The following TDRD9 variants were observed in gnomAD, a reference collection of about 807,000 sequenced individuals.
TDRD9 encodes ATP-dependent RNA helicase TDRD9.
A neutral mutation model predicts 172.6 loss-of-function variants in TDRD9; 124 were observed. The observed-to-expected ratio is 0.72, with a 90% CI of 0.62 to 0.83. The LOEUF (loss-of-function observed/expected upper bound fraction) is 0.83. Ranked by LOEUF, TDRD9 falls within the 40% of genes least tolerant of loss-of-function variation. The pLI, the probability that TDRD9 is intolerant of heterozygous loss-of-function variation, is 0.00. For missense variants in TDRD9, 1,479 were observed against 1,714.1 expected, an observed-to-expected ratio of 0.86 and a Z score of 2.42; for synonymous variants, 619 against 617.1, an observed-to-expected ratio of 1.00 and a Z score of -0.05.
At chr14:103,933,132 G>C (rs907856796) in intron 1 of TDRD9, among the ~76,000 whole-genome samples, 1 of 152,178 alleles carries the variant, frequency 6.6e-6, no homozygotes, top group African/African-American at 2.4e-5. Context: ...ACATGGTACT[G>C]TATTTTACTC....
intron 11 of TDRD9, 24 bp downstream of exon 11, chr14:103,994,627 T>C: frequency 6.3e-7 from 1 of 1,590,908 alleles, no homozygotes; most frequent in Non-Finnish European, 8.6e-7. Context: ...GAAGACAAGT[T>C]CTAAGCACTT....
intron 5 of TDRD9, among the ~76,000 whole-genome samples, chr14:103,968,787 C>T (rs1382364781): frequency 1.1e-3 from 1 of 902 alleles, no homozygotes; most frequent in Non-Finnish European, 0.011. Flanking sequence ...CAGAGTGAGA[C>T]TCTGTCTCAA....
Position 103,928,569 on chromosome 14 carries a change from G to A in TDRD9, c.60G>A (p.Val20=), listed in dbSNP as rs1228770527. 22 of 1,381,752 alleles carry A rather than the reference G, an allele frequency of 1.6e-5. No homozygotes were observed. The East Asian group carries it at 1.9e-4, about 12-fold the overall frequency. 85.6% of individuals were successfully genotyped at this position (1,381,752 alleles called of 1,614,324 possible). Residue 20 remains valine (V), a synonymous_variant, in exon 1 of 36, where the codon GTG becomes GTA. Transcript: ENST00000409874. ...INDWFTIGKT[V]TNVELLGAPP... is the part of the protein sequence containing the mutation. The stretch of plus-strand genomic sequence containing the variant: ...ACTGGTTCACCATCGGCAAGACGGT[G>A]ACCAATGTGGAGCTGCTGGGCGCGC...
In TDRD9 at chr14:104,026,085, T is replaced by G. The variant is rs1379067928; in HGVS notation, c.2970T>G (p.Asp990Glu). 3.7e-6 allele frequency: 6 copies of G among 1,611,770 alleles called. No individual in the cohort carries two copies. The highest frequency in any genetic ancestry group is 1.3e-5 in the African/African-American group (1 of 74,900). Residue 990 changes from aspartate (D) to glutamate (E), a missense_variant, in exon 27 of 36, where the codon GAT becomes GAG. Asp to Glu is a conservative substitution (Grantham distance 45). Around this residue, in one of 3 missense-constraint regions of TDRD9, gnomAD observed 1,413 missense variants for 1,649.1 expected, o/e 0.86. Coordinates refer to ENST00000409874, the MANE Select transcript of TDRD9 (RefSeq NM_153046.3). ...FVDYGNKSHV[D>E]LHLLMEIPCQ... ...ATTATGGCAATAAGTCTCATGTAGA[T>G]CTACATCTTTTGATGGAGATTCCCT... is the stretch of plus-strand genomic sequence containing the variant.
intron 9 of TDRD9, among the ~76,000 whole-genome samples, chr14:103,994,028 T>C (rs1237811464): frequency 1.3e-5 from 2 of 152,218 alleles, no homozygotes; most frequent in Admixed American, 1.3e-4. Flanking sequence ...ATAGAAAATT[T>C]AGAAAATCTG....
At chr14:103,946,660 C>T (rs965434314) in intron 1 of TDRD9, among the ~76,000 whole-genome samples, 4 of 152,156 alleles carry the variant, frequency 2.6e-5, no homozygotes, top group African/African-American at 9.7e-5. Context: ...CCTAAAGATT[C>T]CACAAAAACC....
At chr14:103,949,813 G>A (rs2031764624) in intron 1 of TDRD9, among the ~76,000 whole-genome samples, 1 of 151,960 alleles carries the variant, frequency 6.6e-6, no homozygotes, top group Non-Finnish European at 1.5e-5. Flanking sequence ...CCGAGTAGCT[G>A]GGATTACAGG....
At chr14:104,033,912 C>A (rs1350255300) in intron 30 of TDRD9, 48 bp from the exon 31 acceptor site, 1 of 1,244,070 alleles carries the variant, frequency 8.0e-7, no homozygotes. Context: ...AGCACATTGC[C>A]TGGTTAGTGG....
intron 34 of TDRD9, chr14:104,049,398 GAT>G: frequency 2.6e-6 from 1 of 384,282 alleles, no homozygotes; most frequent in Non-Finnish European, 4.6e-6. Context: ...AGGTCTTACA[GAT>G]CTGTCACACT....
At chr14:104,040,148 C>CT in intron 32 of TDRD9, 48 bp from the exon 33 acceptor site, 1 of 1,370,122 alleles carries the variant, frequency 7.3e-7, no homozygotes, top group Non-Finnish European at 9.5e-7. Context: ...AAAACATATA[C>CT]TTTAACAATT....
intron 19 of TDRD9, 130 bp from the exon 20 acceptor site, chr14:104,008,283 C>CT (rs1468514099): frequency 1.7e-6 from 1 of 605,408 alleles, no homozygotes; most frequent in Non-Finnish European, 3.0e-6. Context: ...GGGAGTGCCA[C>CT]TGTCAACTTG....
At chr14:104,049,520 A>C in intron 34 of TDRD9, 88 bp from the exon 35 acceptor site, 1 of 1,020,632 alleles carries the variant, frequency 9.8e-7, no homozygotes, top group Non-Finnish European at 1.4e-6. Flanking sequence ...TGTGGGAAGC[A>C]TATAGGATTT....
At chr14:103,941,066 A>G (rs1193827812) in intron 1 of TDRD9, 2 of 1,535,050 alleles carry the variant, frequency 1.3e-6, no homozygotes, top group Admixed American at 2.0e-5. Flanking sequence ...ACTATTTCCC[A>G]TGGCAGTACA....
intron 1 of TDRD9, among the ~76,000 whole-genome samples, chr14:103,935,836 T>A (rs1342469319): frequency 4.6e-5 from 7 of 152,254 alleles, no homozygotes; most frequent in African/African-American, 1.7e-4. Flanking sequence ...GGGAATGATT[T>A]TGTATATTAT....
intron 3 of TDRD9, among the ~76,000 whole-genome samples, chr14:103,964,872 C>T (rs1399240240): frequency 2.6e-5 from 4 of 152,172 alleles, no homozygotes; most frequent in Middle Eastern, 3.4e-3. Flanking sequence ...GTGTGGCAAC[C>T]GTTTGTCGCC....
At chr14:104,036,267 G>A (rs753770272) in intron 32 of TDRD9, among the ~76,000 whole-genome samples, 10 of 152,094 alleles carry the variant, frequency 6.6e-5, no homozygotes, top group Middle Eastern at 3.4e-3. Flanking sequence ...CAAAAATACC[G>A]CCCTGTTTTA....
chr14:103,953,209 C>T (rs113747521), intron 1 of TDRD9, among the ~76,000 whole-genome samples: 47 of 152,266 alleles, frequency 3.1e-4, no homozygotes, highest in African/African-American at 1.1e-3. Flanking sequence ...ACTCCCAGCT[C>T]CTCCCTGATA....
intron 34 of TDRD9, among the ~76,000 whole-genome samples, chr14:104,045,774 T>TC (rs1314271518): frequency 6.6e-6 from 1 of 152,196 alleles, no homozygotes; most frequent in African/African-American, 2.4e-5. Flanking sequence ...CGGTGCCTCT[T>TC]CCTGTCTCAA....
At chr14:103,984,409 T>C (rs1161230728) in intron 7 of TDRD9, among the ~76,000 whole-genome samples, 3 of 152,200 alleles carry the variant, frequency 2.0e-5, no homozygotes. Flanking sequence ...GCCTAGGGAC[T>C]TGGTGCCCTG....
Sources: allele counts gnomAD v4.1 joint callset (sites outside exome capture counted in the v4.1 genomes callset), GRCh38; gene constraint gnomAD v4.1.1; regional missense constraint gnomAD v4.1.1; transcripts MANE v1.5; gene names NCBI Gene and HGNC (gene_info 2026-07-23, HGNC 2026-07-21).